The following ITPRID2 variants were observed in gnomAD, a reference collection of about 807,000 sequenced individuals.
ITPRID2 encodes protein ITPRID2.
A neutral mutation model predicts 124.3 loss-of-function variants in ITPRID2; 60 were observed. The ratio of observed to expected loss-of-function variants is 0.48; its 90% CI spans 0.39 to 0.60. ITPRID2 has a LOEUF of 0.60. Among genes scored for constraint, ITPRID2 ranks in the 20% least tolerant of loss-of-function variants. ITPRID2 has a pLI of 0.00. For synonymous variants in ITPRID2, 521 were observed against 542.9 expected (o/e 0.96, Z 0.56); for missense variants, 1,553 against 1,512.2 (o/e 1.03, Z -0.45).
At chr2:181,900,252 A>G (rs939758469) in intron 6 of ITPRID2, among the ~76,000 whole-genome samples, 4 of 152,158 alleles carry the variant, frequency 2.6e-5, no homozygotes, top group African/African-American at 7.2e-5. Flanking sequence ...TCCTAGGACA[A>G]TTGCCACTCC....
At position 181,919,259 on chromosome 2, in the gene ITPRID2, C is replaced by T; in HGVS notation, c.2994-37C>T. On this transcript the variant is annotated intron_variant, in intron 13 of 17. Coordinates refer to ENST00000431877, the MANE Select transcript of ITPRID2 (RefSeq NM_001130445.3). This position sits in a 1 kb window ranked among gnomAD's most constrained non-coding sequence, Gnocchi z 4.2. ...TTTGTGATTAGGAATCTCCAAACTG[C>T]ATTTTTCCAATTTTGTGCCCTTCAC... 6.2e-7 allele frequency: 1 copy of T among 1,610,238 alleles called. No individual in the cohort carries two copies.
chr2:181,916,356 C>T lies in ITPRID2; in HGVS notation c.2716C>T (p.Pro906Ser). 1 of 1,614,208 alleles carries T rather than the reference C, an allele frequency of 6.2e-7. No individual in the cohort carries two copies. Among genetic ancestry groups the T allele is most frequent in the South Asian group, 1.1e-5 (1 of 91,086 alleles). The stretch of plus-strand genomic sequence containing the variant: ...TTACCGAGTGTGCTCTGTGAATCCT[C>T]CTTCAGCCATAGAAATGCAGTTGCG... Reference protein sequence around the residue: ...YPYRVCSVNPPSAIEMQLRRV... With the variant: ...YPYRVCSVNPSSAIEMQLRRV... The change falls in exon 11 of 18, where the codon CCT (proline) becomes TCT (serine). Residue 906 changes from proline (P) to serine (S), a missense_variant. By Grantham distance (74) the Pro-to-Ser change is moderately conservative. Transcript: ENST00000431877.
chr2:181,924,175 T>A (rs978990985), intron 16 of ITPRID2, among the ~76,000 whole-genome samples: 2 of 152,182 alleles, frequency 1.3e-5, no homozygotes, highest in African/African-American at 4.8e-5. Flanking sequence ...CAGCAAAATA[T>A]GTATAGATCA....
intron 16 of ITPRID2, among the ~76,000 whole-genome samples, chr2:181,923,941 G>T (rs1005396327): frequency 6.6e-6 from 1 of 152,092 alleles, no homozygotes; most frequent in African/African-American, 2.4e-5. Flanking sequence ...CCATTAGGCT[G>T]CCTTGGTCCT....
chr2:181,908,834 A>G lies in ITPRID2; in HGVS notation c.1414-1065A>G, dbSNP rs373540895. On this transcript the variant is annotated intron_variant, in intron 8 of 17. Coordinates refer to ENST00000431877, the MANE Select transcript of ITPRID2 (RefSeq NM_001130445.3). ...AAAAACTACCAGAGTTTTCCCTAAA[A>G]TGTGTTAACTATTAGCGCTTTGATT... Among the ~76,000 whole-genome samples, 3 of 152,020 alleles carry G rather than the reference A, an allele frequency of 2.0e-5. No homozygotes were observed. The East Asian group carries it at 5.8e-4, about 29-fold the overall frequency.
chr2:181,905,871 C>T lies in ITPRID2; in HGVS notation c.1413+3405C>T, dbSNP rs1466287301. ...CAGATAATTAAGTTGTTCCTTTGGC[C>T]TTTTAAATGTAACTGTGTATGTTTT... On this transcript the variant is annotated intron_variant, in intron 8 of 17. Transcript: ENST00000431877. This position sits in a 1 kb window ranked among gnomAD's most constrained non-coding sequence, Gnocchi z 4.1. Among the ~76,000 whole-genome samples the T allele has an allele frequency of 1.3e-5, 2 of 152,102 alleles. No homozygotes were observed. The highest frequency in any genetic ancestry group is 2.9e-5 in the Non-Finnish European group (2 of 68,024).
At position 181,930,291 on chromosome 2, in the gene ITPRID2, C is replaced by T. The variant is rs2125121522; in HGVS notation, c.*744C>T. The stretch of plus-strand genomic sequence containing the variant: ...TAGATGGAGATGTTTCTTTTTCTGT[C>T]TTCTAGACTAAATAGAGTATCATCC... On this transcript the variant is annotated 3_prime_UTR_variant, in exon 18 of 18. Coordinates refer to ENST00000431877, the MANE Select transcript of ITPRID2 (RefSeq NM_001130445.3). 1 of 152,488 alleles carries T rather than the reference C, an allele frequency of 6.6e-6. No homozygotes were observed. Among genetic ancestry groups the T allele is most frequent in the Admixed American group, 6.5e-5 (1 of 15,302 alleles). The allele number at this position is 152,488 out of a possible 1,614,324, so 9.4% of individuals were successfully genotyped here. A position where few individuals can be genotyped will look rare whatever the true frequency, so the allele number is the denominator to read the frequency against.
Position 181,919,494 on chromosome 2 carries a change from T to C in ITPRID2, c.3144+48T>C. 1.3e-6 allele frequency: 2 copies of C among 1,493,276 alleles called. No homozygotes were observed. The highest frequency in any genetic ancestry group is 1.4e-5 in the South Asian group (1 of 73,664). The allele number at this position is 1,493,276 out of a possible 1,614,324, so 92.5% of individuals were successfully genotyped here. A position where few individuals can be genotyped will look rare whatever the true frequency, so the allele number is the denominator to read the frequency against. On this transcript the variant is annotated intron_variant, in intron 14 of 17. Transcript: ENST00000431877. This position sits in a 1 kb window ranked among gnomAD's most constrained non-coding sequence, Gnocchi z 4.2. ...GGAGTTTTCACCAAAGGTTTATTTA[T>C]AATGTTCCAATAATTTAGGACGTGT...
At position 181,892,649 on chromosome 2, in the gene ITPRID2, C is replaced by G. The variant is rs376832280; in HGVS notation, c.246C>G (p.Leu82=). The G allele has an allele frequency of 4.3e-6, 7 of 1,613,998 alleles. No individual in the cohort carries two copies. The highest frequency in any genetic ancestry group is 5.1e-6 in the Non-Finnish European group (6 of 1,180,016). The change falls in exon 2 of 18, where the codon CTC becomes CTG. Residue 82 remains leucine, a synonymous_variant. Transcript: ENST00000431877. This position sits in a 1 kb window ranked among gnomAD's most constrained non-coding sequence, Gnocchi z 5.2. The part of the protein sequence containing the change: ...NVPNEKIAIW[L]KDCRTPLGAS... ...CCAACGAGAAGATCGCGATATGGCTCAAGGACTGCCGGTGAGTGCTCCCTG... is the reference window on the plus strand; with the variant it reads ...CCAACGAGAAGATCGCGATATGGCTGAAGGACTGCCGGTGAGTGCTCCCTG...
intron 16 of ITPRID2, 95 bp downstream of exon 16, chr2:181,922,507 T>A: frequency 8.7e-7 from 1 of 1,156,012 alleles, no homozygotes; most frequent in Non-Finnish European, 1.2e-6. Flanking sequence ...TTCTTTTGAT[T>A]CACTGTATTC....
At position 181,922,082 on chromosome 2, in the gene ITPRID2, T is replaced by C. The variant is rs1027854618; in HGVS notation, c.3345T>C (p.Ser1115=). The C allele has an allele frequency of 4.3e-6, 7 of 1,614,130 alleles. No homozygotes were observed. Among genetic ancestry groups the C allele is most frequent in the Non-Finnish European group, 5.9e-6 (7 of 1,180,056 alleles). ...CCCAAGCAACATCAGAATCATCTTC[T>C]GTATGTTCTGGTCCCTCTCATGCTA... ...VFSQATSESS[S]VCSGPSHANR... Residue 1115 remains serine (S), a synonymous_variant, in exon 16 of 18, where the codon TCT becomes TCC. Coordinates refer to ENST00000431877, the MANE Select transcript of ITPRID2 (RefSeq NM_001130445.3).
chr2:181,894,057 T>G (rs532993713), intron 2 of ITPRID2: 51 of 152,294 alleles, frequency 3.3e-4, no homozygotes, highest in African/African-American at 1.1e-3. Flanking sequence ...CAGTATTGGC[T>G]TACTTTAGGT....
intron 16 of ITPRID2, among the ~76,000 whole-genome samples, chr2:181,922,912 A>C (rs1255848978): frequency 6.6e-6 from 1 of 151,806 alleles, no homozygotes; most frequent in African/African-American, 2.4e-5. Flanking sequence ...GCAGAGCAAG[A>C]CTCCATCTCA....
At chr2:181,914,409 C>T (rs755560059) in intron 10 of ITPRID2, among the ~76,000 whole-genome samples, 2 of 152,076 alleles carry the variant, frequency 1.3e-5, no homozygotes, top group Non-Finnish European at 2.9e-5. Flanking sequence ...ATGTAGAGTA[C>T]ACAGAATGCA....
intron 4 of ITPRID2, among the ~76,000 whole-genome samples, chr2:181,898,557 A>G (rs1447172794): frequency 6.6e-6 from 1 of 152,100 alleles, no homozygotes; most frequent in Middle Eastern, 3.2e-3. Context: ...CATATATGGT[A>G]CATATCTTCC....
chr2:181,900,245 T>C (rs888217720), intron 6 of ITPRID2, among the ~76,000 whole-genome samples: 1 of 152,194 alleles, frequency 6.6e-6, no homozygotes, highest in Non-Finnish European at 1.5e-5. Flanking sequence ...TTGTTCCTCC[T>C]AGGACAATTG....
chr2:181,930,310 A>G lies in ITPRID2; in HGVS notation c.*763A>G, dbSNP rs1695185900. The G allele has an allele frequency of 6.6e-6, 1 of 152,594 alleles. No homozygotes were observed. Among genetic ancestry groups the G allele is most frequent in the African/African-American group, 2.4e-5 (1 of 41,464 alleles). 9.5% of individuals were successfully genotyped at this position (152,594 alleles called of 1,614,324 possible). ...TTCTGTCTTCTAGACTAAATAGAGT[A>G]TCATCCAAATAATGGGGCCTATGAC... On this transcript the variant is annotated 3_prime_UTR_variant, in exon 18 of 18. Coordinates refer to ENST00000431877, the MANE Select transcript of ITPRID2 (RefSeq NM_001130445.3).
In ITPRID2 at chr2:181,892,875, G is replaced by T; in HGVS notation, c.257+215G>T. ...GTGACCGTGTTGACTTTACAGTTAG[G>T]ACTTGAGCTACTCACGCATCGTGTT... On this transcript the variant is annotated intron_variant, in intron 2 of 17. Transcript: ENST00000431877. The surrounding 1 kb of genome is among the most constrained non-coding windows in gnomAD (Gnocchi z 5.2). 5.0e-6 allele frequency: 3 copies of T among 603,296 alleles called. No individual in the cohort carries two copies. Among genetic ancestry groups the T allele is most frequent in the Non-Finnish European group, 8.9e-6 (3 of 338,432 alleles). 37.4% of individuals were successfully genotyped at this position (603,296 alleles called of 1,614,324 possible).
In ITPRID2 at chr2:181,928,145, T is replaced by C; in HGVS notation, c.3676-16T>C. On this transcript the variant is annotated splice_polypyrimidine_tract_variant and intron_variant, in intron 16 of 17. Transcript: ENST00000431877. Reference sequence around the variant, plus strand: ...TCATATTGGTAAATTTTTGTTTTATTGTTTTTCCAATCTAGATTAAAGAGT... The same window carrying C: ...TCATATTGGTAAATTTTTGTTTTATCGTTTTTCCAATCTAGATTAAAGAGT... 6.7e-7 allele frequency: 1 copy of C among 1,489,418 alleles called. No individual in the cohort carries two copies. 92.3% of individuals were successfully genotyped at this position (1,489,418 alleles called of 1,614,324 possible).
Sources: gnomAD v4.1 joint callset for allele counts (sites outside exome capture counted in the v4.1 genomes callset) on GRCh38, gnomAD v4.1.1 for gene constraint, Gnocchi (gnomAD v3.1) non-coding constraint, MANE v1.5 for transcripts, NCBI Gene and HGNC (gene_info 2026-07-23, HGNC 2026-07-21) for gene names.